The following KRT73 variants were observed in gnomAD, a reference collection of about 807,000 sequenced individuals.
The protein encoded by KRT73 is keratin 73, also known as keratin, type II cytoskeletal 73.
KRT73 carries 44 observed loss-of-function variants against 47.2 expected under a neutral mutation model. The observed-to-expected ratio is 0.93, with a 90% CI of 0.73 to 1.20. The LOEUF (loss-of-function observed/expected upper bound fraction) is 1.20, where lower values mean the gene tolerates loss of function less well. KRT73 is among the 50% of genes most tolerant of loss of function. The pLI is 0.00. For missense variants in KRT73, 713 were observed against 704.5 expected, an observed-to-expected ratio of 1.01 and a Z score of -0.14; for synonymous variants, 285 against 291.3, an observed-to-expected ratio of 0.98 and a Z score of 0.22.
chr12:52,619,705 G>C (rs999067773), upstream of KRT73, among the ~76,000 whole-genome samples: 7 of 152,154 alleles, frequency 4.6e-5, no homozygotes, highest in Non-Finnish European at 1.0e-4. Flanking sequence ...ACCAAACCTA[G>C]CTCACAATTT....
Position 52,608,360 on chromosome 12 carries a change from CAG to C in KRT73, c.1457_1458del (p.Ser486CysfsTer20), listed in dbSNP as rs749183633. 2 of 1,613,624 alleles carry C rather than the reference CAG, an allele frequency of 1.2e-6. No homozygotes were observed. The highest frequency in any genetic ancestry group is 1.7e-6 in the Non-Finnish European group (2 of 1,180,044). On this transcript the variant is annotated frameshift_variant, in exon 9 of 9. Transcript: ENST00000305748. LOFTEE classifies it low-confidence loss of function (END_TRUNC). ...GGCAGCATGCTGTAGCCCCCGCTGA[CAG>C]AGCTGGGCCAGTAGCCGTAGGTGCC... ...NAGTYGYWPSSVSGGYSMLPG... is the reference protein window; with the variant it reads ...NAGTYGYWPSXVSGGYSMLPG...
chr12:52,613,814 G>T lies in KRT73; in HGVS notation c.858C>A (p.Ser286=), dbSNP rs762103597. Residue 286 remains serine (S), a synonymous_variant, in exon 5 of 9, where the codon TCC becomes TCA. Coordinates refer to ENST00000305748, the MANE Select transcript of KRT73 (RefSeq NM_175068.3). ...GGTTGTTGTCCATGGACAGGATGAT[G>T]GACGTGTCGCTGATGTGGGACTGGA... ...AQIQSHISDT[S]IILSMDNNRN... 8 of 1,614,062 alleles carry T rather than the reference G, an allele frequency of 5.0e-6. No individual in the cohort carries two copies. In the Admixed American group the frequency reaches 1.3e-4, roughly 27 times the overall value.
Position 52,608,362 on chromosome 12 carries a change from G to C in KRT73, c.1457C>G (p.Ser486Cys). 3 of 1,613,574 alleles carry C rather than the reference G, an allele frequency of 1.9e-6. No homozygotes were observed. The highest frequency in any genetic ancestry group is 2.5e-6 in the Non-Finnish European group (3 of 1,180,020). Residue 486 changes from serine to cysteine, a missense_variant, in exon 9 of 9, where the codon TCT (serine) becomes TGT (cysteine). By Grantham distance (112) the Ser-to-Cys change is moderately radical. Transcript: ENST00000305748. ...CAGCATGCTGTAGCCCCCGCTGACA[G>C]AGCTGGGCCAGTAGCCGTAGGTGCC... is the stretch of plus-strand genomic sequence containing the variant. ...NAGTYGYWPS[S>C]VSGGYSMLPG...
At chr12:52,609,392 C>A (rs1940649443) in intron 7 of KRT73, 111 bp from the exon 8 acceptor site, 2 of 864,596 alleles carry the variant, frequency 2.3e-6, no homozygotes, top group Non-Finnish European at 4.0e-6. Flanking sequence ...AGCCTTCACG[C>A]ACCCCACACT....
intron 7 of KRT73, chr12:52,610,285 C>T: frequency 3.1e-6 from 1 of 323,858 alleles, no homozygotes; most frequent in Non-Finnish European, 6.0e-6. Flanking sequence ...CAATGTTGGC[C>T]AGGCTGGTCT....
chr12:52,618,044 G>T, intron 1 of KRT73, 34 bp downstream of exon 1: 1 of 1,602,092 alleles, frequency 6.2e-7, no homozygotes, highest in Non-Finnish European at 8.5e-7. Context: ...CTTAAAAGGG[G>T]AGCCCAAGAT....
At position 52,618,357 on chromosome 12, in the gene KRT73, G is replaced by A. The variant is rs756292562; in HGVS notation, c.168C>T (p.Ser56=). The change falls in exon 1 of 9, where the codon AGC becomes AGT. Residue 56 remains serine, a synonymous_variant. Coordinates refer to ENST00000305748, the MANE Select transcript of KRT73 (RefSeq NM_175068.3). ...TGCCACTGGCCACATTGAAAGAGAT[G>A]CTCCGGGCACCCCCCAGGCTGTAAA... ...RSLYSLGGAR[S]ISFNVASGSG... 1.2e-5 allele frequency: 20 copies of A among 1,614,080 alleles called. 1 individual carries two copies. The South Asian group carries it at 2.2e-4, about 18-fold the overall frequency.
chr12:52,619,456 C>T (rs1940868962), upstream of KRT73, among the ~76,000 whole-genome samples: 1 of 152,140 alleles, frequency 6.6e-6, no homozygotes, highest in Non-Finnish European at 1.5e-5. Flanking sequence ...TTGTGTGAAT[C>T]CCAGAGAATG....
In KRT73 at chr12:52,616,330, C is replaced by T. The variant is rs151331642; in HGVS notation, c.498G>A (p.Leu166=). ...AGTTGTTCAGGTCCAGCTGCTGTAG[C>T]AGCTCCCACTTGGTCTCCAGCACCT... ...QNQVLETKWE[L]LQQLDLNNCK... The change falls in exon 2 of 9, where the codon CTG becomes CTA. Residue 166 remains leucine, a synonymous_variant. Coordinates refer to ENST00000305748, the MANE Select transcript of KRT73 (RefSeq NM_175068.3). 1.2e-6 allele frequency: 2 copies of T among 1,614,090 alleles called. No individual in the cohort carries two copies. The highest frequency in any genetic ancestry group is 2.7e-5 in the African/African-American group (2 of 74,936).
At chr12:52,618,833 C>G (rs773507171), upstream of KRT73, among the ~76,000 whole-genome samples, 1 of 152,160 alleles carries the variant, frequency 6.6e-6, no homozygotes, top group Non-Finnish European at 1.5e-5. Flanking sequence ...GGAGGTTTGT[C>G]GCAGTCTCAA....
chr12:52,614,655 G>A lies in KRT73; in HGVS notation c.743C>T (p.Thr248Met), dbSNP rs142246988. 2.1e-3 allele frequency: 3,414 copies of A among 1,613,708 alleles called. 6 individuals are homozygous for A. Among genetic ancestry groups the A allele is most frequent in the Middle Eastern group, 3.2e-3 (19 of 5,990 alleles). The change falls in exon 4 of 9, where the codon ACG (threonine) becomes ATG (methionine). Residue 248 changes from threonine to methionine, a missense_variant. Physicochemically the swap from Thr to Met is moderately conservative, Grantham distance 81. Coordinates refer to ENST00000305748, the MANE Select transcript of KRT73 (RefSeq NM_175068.3). ...VLKKDVDAAY[T>M]SKVELQAKVD... Reference sequence around the variant, plus strand: ...CTTGGCCTGCAGCTCCACTTTGCTCGTGTAAGCTGCGTCCACGTCCTATGG... The same window carrying A: ...CTTGGCCTGCAGCTCCACTTTGCTCATGTAAGCTGCGTCCACGTCCTATGG...
intron 7 of KRT73, 83 bp from the exon 8 acceptor site, chr12:52,609,364 C>A: frequency 8.4e-7 from 1 of 1,190,142 alleles, no homozygotes. Context: ...GGCTGGGGAT[C>A]CCCAGCCAGA....
rs372673791 is a variant in KRT73 at position 52,608,240 on chromosome 12, T to C, written c.1579A>G (p.Lys527Glu). 4.6e-5 allele frequency: 75 copies of C among 1,613,770 alleles called. No homozygotes were observed. The highest frequency in any genetic ancestry group is 6.1e-5 in the Non-Finnish European group (72 of 1,179,978). Residue 527 changes from lysine to glutamate, a missense_variant, in exon 9 of 9, where the codon AAG (lysine) becomes GAG (glutamate). By Grantham distance (56) the Lys-to-Glu change is moderately conservative (BLOSUM62 1). Coordinates refer to ENST00000305748, the MANE Select transcript of KRT73 (RefSeq NM_175068.3). ...GTGGGTGAGCTTAGAGCTAAGGTCT[T>C]TCCCTGGGAGTCCCTGAATTCACTT... ...SASEFRDSQG[K>E]TLALSSPTKK...
chr12:52,621,297 G>GT (rs1940901678), upstream of KRT73, among the ~76,000 whole-genome samples: 1 of 146,340 alleles, frequency 6.8e-6, no homozygotes, highest in Non-Finnish European at 1.5e-5. Flanking sequence ...GAAAGGGGGG[G>GT]GGGGGGAGAG....
chr12:52,614,661 G>T lies in KRT73; in HGVS notation c.737C>A (p.Ala246Asp). 1 of 1,613,700 alleles carries T rather than the reference G, an allele frequency of 6.2e-7. No homozygotes were observed. Among genetic ancestry groups the T allele is most frequent in the Non-Finnish European group, 8.5e-7 (1 of 1,179,822 alleles). The change falls in exon 4 of 9, where the codon GCT (alanine) becomes GAT (aspartate). Residue 246 changes from alanine (A) to aspartate (D), a missense_variant. Ala to Asp is a moderately radical substitution (Grantham distance 126, BLOSUM62 -2). Transcript: ENST00000305748. ...CTGCAGCTCCACTTTGCTCGTGTAA[G>T]CTGCGTCCACGTCCTATGGAGAATC... ...FVVLKKDVDA[A>D]YTSKVELQAK...
chr12:52,620,623 G>C (rs928772456), upstream of KRT73, among the ~76,000 whole-genome samples: 1 of 152,142 alleles, frequency 6.6e-6, no homozygotes, highest in Non-Finnish European at 1.5e-5. Flanking sequence ...TGGCATTTAT[G>C]CTGTGAATGC....
chr12:52,628,843 A>C, the KRT73 span, among the ~76,000 whole-genome samples: 2 of 152,214 alleles, frequency 1.3e-5, no homozygotes, highest in Non-Finnish European at 2.9e-5. Flanking sequence ...TTGCCATAGA[A>C]GACAAAAAGG....
rs111634017 is a variant in KRT73, at chr12:52,609,397, C to T, written c.1332-116G>A. 75 of 825,582 alleles carry T rather than the reference C, an allele frequency of 9.1e-5. 3 individuals carry two copies. Among genetic ancestry groups the T allele is most frequent in the African/African-American group, 8.9e-4 (53 of 59,866 alleles). 51.1% of individuals were successfully genotyped at this position (825,582 alleles called of 1,614,324 possible). Reference sequence around the variant, plus strand: ...AGACCAGCTCAGCCTTCACGCACCCCACACTTGCCAGATGGCACTGGCTGC... The same window carrying T: ...AGACCAGCTCAGCCTTCACGCACCCTACACTTGCCAGATGGCACTGGCTGC... On this transcript the variant is annotated intron_variant, in intron 7 of 8. Transcript: ENST00000305748.
intron 1 of KRT73, among the ~76,000 whole-genome samples, chr12:52,616,794 C>A (rs1940824250): frequency 2.0e-5 from 3 of 152,160 alleles, no homozygotes; most frequent in Non-Finnish European, 2.9e-5. Flanking sequence ...GGCCCGTGCT[C>A]TGCCTAGTCT....
Sources: allele counts gnomAD v4.1 joint callset (sites outside exome capture counted in the v4.1 genomes callset), GRCh38; gene constraint gnomAD v4.1.1; transcripts MANE v1.5; gene names NCBI Gene and HGNC (gene_info 2026-07-23, HGNC 2026-07-21).